MSL3: variants seen among roughly 807,000 people sequenced by gnomAD.
The protein encoded by MSL3 is MSL3-like 1.
In MSL3, 5 loss-of-function variants were observed where a neutral mutation model predicts 37.2. The observed-to-expected ratio is 0.13, with a 90% CI of 0.07 to 0.28. The LOEUF is 0.28. Among genes scored for constraint, MSL3 ranks in the 10% least tolerant of loss-of-function variants. The pLI, the probability that MSL3 is intolerant of heterozygous loss-of-function variation, is 1.00. For missense variants in MSL3, 315 were observed against 408.5 expected (o/e 0.77, Z 1.97); for synonymous variants, 149 against 147.6 (o/e 1.01, Z -0.07).
At chrX:11,774,751 T>C (rs919091188) in intron 12 of MSL3, among the ~76,000 whole-genome samples, 1 of 111,353 alleles carries the variant, frequency 9.0e-6, no homozygotes. Context: ...AGGTTCTGTT[T>C]CCATTTGTAC....
chrX:11,761,441 G>C, intron 4 of MSL3, 59 bp from the exon 5 acceptor site: 2 of 750,973 alleles, frequency 2.7e-6, no homozygotes, highest in Admixed American at 5.7e-5. Flanking sequence ...AAGATCTGTA[G>C]ACATAAGGGT....
At chrX:11,765,018 G>A (rs1004348286) in intron 8 of MSL3, among the ~76,000 whole-genome samples, 3 of 112,746 alleles carry the variant, frequency 2.7e-5, no homozygotes, top group African/African-American at 9.7e-5. Context: ...CAGTAGTTAC[G>A]TTTCAACGAG....
chrX:11,761,032 G>T (rs1171918712), intron 4 of MSL3, 95 bp downstream of exon 4: 1 of 600,778 alleles, frequency 1.7e-6, no homozygotes, highest in East Asian at 3.7e-5. Context: ...AACACTTCAA[G>T]CTCATTATGT....
chrX:11,761,500 C>T lies in MSL3; in HGVS notation c.383C>T (p.Ser128Leu). Residue 128 changes from serine (S) to leucine (L), a missense_variant and splice_region_variant, in exon 5 of 13, where the codon TCA becomes TTA. By Grantham distance (145) the Ser-to-Leu change is moderately radical (BLOSUM62 -2). Transcript: ENST00000312196. ...TACCGGATGCTTTTGTTTCACCTAG[C>T]ATTAAGCAGTTCCTCTGACTGTAGT... Reference protein sequence around the residue: ...TEEKDENDENSLSSSSDCSEN... With the variant: ...TEEKDENDENLLSSSSDCSEN... 8.4e-7 allele frequency: 1 copy of T among 1,186,694 alleles called. No individual in the cohort carries two copies. Among genetic ancestry groups the T allele is most frequent in the Non-Finnish European group, 1.1e-6 (1 of 879,668 alleles).
In MSL3 at chrX:11,775,316, G is replaced by A. The variant is rs1238967669; in HGVS notation, c.*237G>A. Reference sequence around the variant, plus strand: ...TTTGCAGGCCATCTGTGATGGCAAGGAAAAAGCAACTATGTTCACAGTGAA... The same window carrying A: ...TTTGCAGGCCATCTGTGATGGCAAGAAAAAAGCAACTATGTTCACAGTGAA... On this transcript the variant is annotated 3_prime_UTR_variant, in exon 13 of 13. Coordinates refer to ENST00000312196, the MANE Select transcript of MSL3 (RefSeq NM_078629.4). 3 of 343,493 alleles carry A rather than the reference G, an allele frequency of 8.7e-6. No individual in the cohort carries two copies. The highest frequency in any genetic ancestry group is 1.5e-5 in the Non-Finnish European group (3 of 199,225). 28.3% of individuals were successfully genotyped at this position (343,493 alleles called of 1,213,427 possible). A position where few individuals can be genotyped will look rare whatever the true frequency, so the allele number is the denominator to read the frequency against.
At chrX:11,771,958 C>T (rs914340244) in intron 10 of MSL3, among the ~76,000 whole-genome samples, 198 bp from the exon 11 acceptor site, 6 of 112,051 alleles carry the variant, frequency 5.4e-5, no homozygotes, top group Non-Finnish European at 9.4e-5. Context: ...ATAACTGTTG[C>T]GAGTTAAGAA....
At chrX:11,759,934 G>T in intron 2 of MSL3, 59 bp downstream of exon 2, 1 of 1,144,365 alleles carries the variant, frequency 8.7e-7, no homozygotes, top group South Asian at 2.0e-5. Context: ...TAGAAACATT[G>T]CAGACTTAAG....
chrX:11,774,941 C>G, intron 12 of MSL3, 39 bp from the exon 13 acceptor site: 2 of 1,010,798 alleles, frequency 2.0e-6, no homozygotes, highest in Middle Eastern at 3.2e-4. Flanking sequence ...GTATTTAGTC[C>G]TTAGTATGGT....
At chrX:11,758,624 C>T in intron 1 of MSL3, 2 of 1,149,262 alleles carry the variant, frequency 1.7e-6, no homozygotes, top group Admixed American at 2.7e-5. Flanking sequence ...GTCGCGTTAC[C>T]GGGGCTACCG....
chrX:11,772,772 T>C, intron 12 of MSL3, 67 bp downstream of exon 12: 1 of 611,344 alleles, frequency 1.6e-6, no homozygotes. Context: ...AACTTCTCTT[T>C]AGCACATGGG....
Position 11,763,774 on chromosome X carries a change from T to C in MSL3, c.750-6T>C, listed in dbSNP as rs780055667. 1.7e-6 allele frequency: 2 copies of C among 1,195,499 alleles called. No homozygotes were observed. Reference sequence around the variant, plus strand: ...GTCTCTAATCTCTTCTTTTTAATCCTCCCAGTGTTGACCTTTGTAAGGAGA... The same window carrying C: ...GTCTCTAATCTCTTCTTTTTAATCCCCCCAGTGTTGACCTTTGTAAGGAGA... On this transcript the variant is annotated splice_polypyrimidine_tract_variant and splice_region_variant and intron_variant, in intron 7 of 12. Coordinates refer to ENST00000312196, the MANE Select transcript of MSL3 (RefSeq NM_078629.4).
intron 9 of MSL3, chrX:11,766,730 G>A (rs927619973): frequency 2.7e-6 from 2 of 753,383 alleles, no homozygotes; most frequent in African/African-American, 2.3e-5. Flanking sequence ...CTGTGTGGAG[G>A]TGGAAACAGA....
At chrX:11,763,065 A>G (rs1178426638) in intron 7 of MSL3, 68 bp downstream of exon 7, 30 of 881,159 alleles carry the variant, frequency 3.4e-5, no homozygotes, top group Non-Finnish European at 4.5e-5. Context: ...CATTTAGAAC[A>G]GGTGACACTT....
chrX:11,769,638 CT>C (rs773901827), intron 10 of MSL3, among the ~76,000 whole-genome samples: 4 of 111,983 alleles, frequency 3.6e-5, no homozygotes, highest in Non-Finnish European at 7.5e-5. Context: ...CACTCTCATG[CT>C]GTCACCCAGG....
In MSL3 at chrX:11,758,246, C is replaced by T. The variant is rs1251572313; in HGVS notation, c.-18C>T. 2 of 1,013,052 alleles carry T rather than the reference C, an allele frequency of 2.0e-6. No homozygotes were observed. The highest frequency in any genetic ancestry group is 3.3e-4 in the Middle Eastern group (1 of 3,031). The allele number at this position is 1,013,052 out of a possible 1,213,427, so 83.5% of individuals were successfully genotyped here. On this transcript the variant is annotated 5_prime_UTR_variant, in exon 1 of 13. Transcript: ENST00000312196. Reference sequence around the variant, plus strand: ...GCTCCGCCCGCCCCGGAGCCTCGCCCTCCGCCACGATGAGCAAATGAGCGC... The same window carrying T: ...GCTCCGCCCGCCCCGGAGCCTCGCCTTCCGCCACGATGAGCAAATGAGCGC...
At position 11,758,850 on chromosome X, in the gene MSL3, C is replaced by T. The variant is rs1204786812; in HGVS notation, c.102+485C>T. 2.9e-6 allele frequency: 3 copies of T among 1,023,890 alleles called. No homozygotes were observed. The Admixed American group carries it at 8.2e-5, about 28-fold the overall frequency. The allele number at this position is 1,023,890 out of a possible 1,213,427, so 84.4% of individuals were successfully genotyped here. On this transcript the variant is annotated intron_variant, in intron 1 of 12. Coordinates refer to ENST00000312196, the MANE Select transcript of MSL3 (RefSeq NM_078629.4). ...CCTGGGACCCTAGTCCAGTTTAGGC[C>T]CCATCCCGCCTGTAGGCCGTGAACC... is the stretch of plus-strand genomic sequence containing the variant.
chrX:11,761,018 G>A (rs182230514), intron 4 of MSL3, 81 bp downstream of exon 4: 79 of 695,351 alleles, frequency 1.1e-4, no homozygotes, highest in Non-Finnish European at 1.6e-4. Context: ...ATTCTAGACA[G>A]GGAAACACTT....
In MSL3 at chrX:11,759,837, C is replaced by A. The variant is rs1210990388; in HGVS notation, c.147C>A (p.Ile49=). The A allele has an allele frequency of 8.3e-7, 1 of 1,210,961 alleles. No individual in the cohort carries two copies. Among genetic ancestry groups the A allele is most frequent in the Non-Finnish European group, 1.1e-6 (1 of 895,202 alleles). The change falls in exon 2 of 13, where the codon ATC becomes ATA. Residue 49 remains isoleucine (I), a synonymous_variant. Coordinates refer to ENST00000312196, the MANE Select transcript of MSL3 (RefSeq NM_078629.4). ...IVGKDEKGRK[I]PEYLIHFNGW... is the part of the protein sequence containing the mutation. ...GGAAAGACGAAAAAGGCAGAAAGAT[C>A]CCAGAATATCTGATCCATTTTAATG...
chrX:11,761,748 C>T lies in MSL3; in HGVS notation c.465+166C>T, dbSNP rs190384848. 2.3e-3 allele frequency among the ~76,000 whole-genome samples: 260 copies of T among 111,988 alleles called. 1 individual carries two copies. The highest frequency in any genetic ancestry group is 3.2e-3 in the Non-Finnish European group (171 of 53,153). ...AAGAAAAACAACCCTTATTTATAGTCGCCGTATGAGTCTCTCAGTGGCTCT... is the reference window on the plus strand; with the variant it reads ...AAGAAAAACAACCCTTATTTATAGTTGCCGTATGAGTCTCTCAGTGGCTCT... On this transcript the variant is annotated intron_variant, in intron 5 of 12. Transcript: ENST00000312196.
Sources: gnomAD v4.1 joint callset for allele counts (sites outside exome capture counted in the v4.1 genomes callset) on GRCh38, gnomAD v4.1.1 for gene constraint, MANE v1.5 for transcripts, NCBI Gene and HGNC (gene_info 2026-07-23, HGNC 2026-07-21) for gene names.